The following RAP1GAP variants were observed in gnomAD, a reference collection of about 807,000 sequenced individuals.
The protein encoded by RAP1GAP is RAP1 GTPase activating protein, also known as rap1 GTPase-activating protein 1.
RAP1GAP carries 35 observed loss-of-function variants against 87.2 expected under a neutral mutation model. That is an observed-to-expected ratio of 0.40 (90% CI 0.31 to 0.53). RAP1GAP has a LOEUF of 0.53. RAP1GAP is among the 20% of genes least tolerant of loss of function. The probability of loss-of-function intolerance (pLI) is 0.48; values close to 1 mark genes in which losing one functional copy is unlikely to be tolerated. For synonymous variants in RAP1GAP, 375 were observed against 363.9 expected (o/e 1.03, Z -0.35); for missense variants, 734 against 898.9 (o/e 0.82, Z 2.35).
In RAP1GAP at chr1:21,613,217, C is replaced by T; in HGVS notation, c.487G>A (p.Asp163Asn). 1 of 1,561,362 alleles carries T rather than the reference C, an allele frequency of 6.4e-7. No homozygotes were observed. The highest frequency in any genetic ancestry group is 2.2e-5 in the East Asian group (1 of 44,604). The change falls in exon 10 of 25, where the codon GAC becomes AAC. Residue 163 changes from aspartate to asparagine, a missense_variant. By Grantham distance (23) the Asp-to-Asn change is conservative. Transcript: ENST00000374765. This position sits in a 1 kb window ranked among gnomAD's most constrained non-coding sequence, Gnocchi z 4.7. Reference sequence around the variant, plus strand: ...GGATAGAACCGATCCACATTGACGTCTTCACACACCAACTGCAGGAGGAGA... The same window carrying T: ...GGATAGAACCGATCCACATTGACGTTTTCACACACCAACTGCAGGAGGAGA... Reference protein sequence around the residue: ...VVQMAKLVCEDVNVDRFYPVL... With the variant: ...VVQMAKLVCENVNVDRFYPVL...
intron 12 of RAP1GAP, 36 bp from the exon 13 acceptor site, chr1:21,611,617 C>T (rs776551182): frequency 6.2e-7 from 1 of 1,613,802 alleles, no homozygotes; most frequent in Non-Finnish European, 8.5e-7. Flanking sequence ...CCTCAGTCTC[C>T]AGCCCTGGCC....
intron 1 of RAP1GAP, among the ~76,000 whole-genome samples, chr1:21,650,297 C>G (rs1230736156): frequency 1.3e-5 from 2 of 152,154 alleles, no homozygotes; most frequent in African/African-American, 4.8e-5. Flanking sequence ...GTCTGCGAAT[C>G]TGGGAGGAGA....
Position 21,609,434 on chromosome 1 carries a change from G to T in RAP1GAP, c.1071+141C>A. On this transcript the variant is annotated intron_variant, in intron 15 of 24. Transcript: ENST00000374765. The surrounding 1 kb of genome is among the most constrained non-coding windows in gnomAD (Gnocchi z 4.4). Reference sequence around the variant, plus strand: ...GTTTTCAAGATGAATGGAAAAGCCAGGCCCCGGTTGCAGTTAGGGGAGCCC... The same window carrying T: ...GTTTTCAAGATGAATGGAAAAGCCATGCCCCGGTTGCAGTTAGGGGAGCCC... The T allele has an allele frequency of 2.0e-6, 1 of 501,948 alleles. No homozygotes were observed. The highest frequency in any genetic ancestry group is 3.1e-5 in the East Asian group (1 of 32,034). 31.1% of individuals were successfully genotyped at this position (501,948 alleles called of 1,614,324 possible). A position where few individuals can be genotyped will look rare whatever the true frequency, so the allele number is the denominator to read the frequency against.
chr1:21,609,573 A>AGG lies in RAP1GAP; in HGVS notation c.1071+1_1071+2insCC. 6.6e-7 allele frequency: 1 copy of AGG among 1,524,402 alleles called. No individual in the cohort carries two copies. Among genetic ancestry groups the AGG allele is most frequent in the Non-Finnish European group, 8.8e-7 (1 of 1,130,726 alleles). 94.4% of individuals were successfully genotyped at this position (1,524,402 alleles called of 1,614,324 possible). On this transcript the variant is annotated splice_donor_variant, in intron 15 of 24. Coordinates refer to ENST00000374765, the MANE Select transcript of RAP1GAP (RefSeq NM_002885.4). LOFTEE classifies it high-confidence loss of function. This position sits in a 1 kb window ranked among gnomAD's most constrained non-coding sequence, Gnocchi z 4.4. ...GCCCATGACTGGGGGGGTGCCCCTCACCTTCCTGAACACAGCGGGGTCCGG... is the reference window on the plus strand; with the variant it reads ...GCCCATGACTGGGGGGGTGCCCCTCAGGCCTTCCTGAACACAGCGGGGTCCGG...
chr1:21,635,927 G>A (rs1003805253), intron 2 of RAP1GAP, among the ~76,000 whole-genome samples: 8 of 152,234 alleles, frequency 5.3e-5, no homozygotes. Flanking sequence ...ATGAGAAACT[G>A]GAAACTGAGT....
chr1:21,640,767 C>A (rs1407938542), intron 2 of RAP1GAP, among the ~76,000 whole-genome samples: 4 of 152,160 alleles, frequency 2.6e-5, no homozygotes, highest in Admixed American at 6.5e-5. Flanking sequence ...GCAGTGAGCT[C>A]CACCCCTGCC....
At chr1:21,653,582 TC>T (rs2096728167) in intron 1 of RAP1GAP, among the ~76,000 whole-genome samples, 2 of 131,936 alleles carry the variant, frequency 1.5e-5, no homozygotes, top group African/African-American at 5.9e-5. Flanking sequence ...CTTCCTTCCT[TC>T]CTTCCTTCCT....
Position 21,613,419 on chromosome 1 carries a change from A to G in RAP1GAP, c.475-190T>C, listed in dbSNP as rs1558682556. Among the ~76,000 whole-genome samples, 2 of 152,078 alleles carry G rather than the reference A, an allele frequency of 1.3e-5. No individual in the cohort carries two copies. The highest frequency in any genetic ancestry group is 4.8e-5 in the African/African-American group (2 of 41,408). On this transcript the variant is annotated intron_variant, in intron 9 of 24. Coordinates refer to ENST00000374765, the MANE Select transcript of RAP1GAP (RefSeq NM_002885.4). The surrounding 1 kb of genome is among the most constrained non-coding windows in gnomAD (Gnocchi z 4.7). ...GAGATCTGAAGGTGCTATAGAGAAA[A>G]CCAAAAGCACACAGGCAGGGGACGG...
intron 1 of RAP1GAP, among the ~76,000 whole-genome samples, chr1:21,654,255 G>A (rs2096770689): frequency 6.6e-6 from 1 of 152,178 alleles, no homozygotes. Context: ...CTGCATCATA[G>A]CATGTGAGCC....
At chr1:21,618,081 T>G in intron 5 of RAP1GAP, 109 bp from the exon 6 acceptor site, 1 of 1,294,758 alleles carries the variant, frequency 7.7e-7, no homozygotes, top group Non-Finnish European at 1.1e-6. Context: ...GATGGGGCCC[T>G]GGCCTCATCA....
rs889579817 is a variant in RAP1GAP at position 21,615,185 on chromosome 1, C to T, written c.292-1096G>A. Among the ~76,000 whole-genome samples, 1 of 152,136 alleles carries T rather than the reference C, an allele frequency of 6.6e-6. No homozygotes were observed. Among genetic ancestry groups the T allele is most frequent in the South Asian group, 2.1e-4 (1 of 4,832 alleles). Reference sequence around the variant, plus strand: ...ACACCCCCAAGCCCAGAGGAGCCCCCGGGACACAGTGGGAGAGCGGGCTCA... The same window carrying T: ...ACACCCCCAAGCCCAGAGGAGCCCCTGGGACACAGTGGGAGAGCGGGCTCA... On this transcript the variant is annotated intron_variant, in intron 7 of 24. Transcript: ENST00000374765. This position sits in a 1 kb window ranked among gnomAD's most constrained non-coding sequence, Gnocchi z 4.5.
intron 2 of RAP1GAP, among the ~76,000 whole-genome samples, chr1:21,648,789 G>C (rs899762253): frequency 2.6e-5 from 4 of 152,180 alleles, no homozygotes; most frequent in Non-Finnish European, 5.9e-5. Flanking sequence ...AAAGGGAGAG[G>C]AAGCAGCCTG....
intron 2 of RAP1GAP, among the ~76,000 whole-genome samples, chr1:21,646,377 G>C (rs1348385223): frequency 2.6e-5 from 4 of 152,152 alleles, no homozygotes; most frequent in Non-Finnish European, 5.9e-5. Context: ...TCTGACCTAG[G>C]TCCCTTCCTC....
At chr1:21,666,879 A>G (rs921722550) in intron 1 of RAP1GAP, among the ~76,000 whole-genome samples, 2 of 152,148 alleles carry the variant, frequency 1.3e-5, no homozygotes, top group Non-Finnish European at 2.9e-5. Flanking sequence ...AGGGCTTCTG[A>G]AAAGGCTCTT....
chr1:21,613,533 C>G lies in RAP1GAP; in HGVS notation c.474+95G>C, dbSNP rs1297732719. 9.1e-6 allele frequency: 11 copies of G among 1,208,928 alleles called. No individual in the cohort carries two copies. The Admixed American group carries it at 1.0e-4, about 11-fold the overall frequency. 74.9% of individuals were successfully genotyped at this position (1,208,928 alleles called of 1,614,324 possible). A position where few individuals can be genotyped will look rare whatever the true frequency, so the allele number is the denominator to read the frequency against. On this transcript the variant is annotated intron_variant, in intron 9 of 24. Transcript: ENST00000374765. The surrounding 1 kb of genome is among the most constrained non-coding windows in gnomAD (Gnocchi z 4.7). ...TAGGGCGGCAGGCCAGGGCTAGGGC[C>G]TACAGCTGAAGGGGACGCGCCAAGG...
At chr1:21,597,478 T>C (rs972301471) in intron 24 of RAP1GAP, among the ~76,000 whole-genome samples, 1 of 152,130 alleles carries the variant, frequency 6.6e-6, no homozygotes, top group African/African-American at 2.4e-5. Context: ...CACACTCCCA[T>C]CAAATCCTCC....
intron 21 of RAP1GAP, 71 bp from the exon 22 acceptor site, chr1:21,598,573 C>G: frequency 7.8e-7 from 1 of 1,274,806 alleles, no homozygotes; most frequent in Non-Finnish European, 1.1e-6. Flanking sequence ...TCCCTCCCAG[C>G]CCCTCTCCCT....
intron 2 of RAP1GAP, among the ~76,000 whole-genome samples, chr1:21,631,976 C>G (rs1188525100): frequency 6.6e-6 from 1 of 152,190 alleles, no homozygotes; most frequent in Non-Finnish European, 1.5e-5. Flanking sequence ...AGGCCCAGCT[C>G]CGGCTCTGCT....
chr1:21,627,066 G>C (rs1232721208), intron 2 of RAP1GAP: 2 of 450,502 alleles, frequency 4.4e-6, no homozygotes, highest in Non-Finnish European at 9.0e-6. Context: ...CCTGAGGAAA[G>C]AAAGCAGGTC....
Sources: allele counts gnomAD v4.1 joint callset (sites outside exome capture counted in the v4.1 genomes callset), GRCh38; gene constraint gnomAD v4.1.1; non-coding constraint Gnocchi (gnomAD v3.1); transcripts MANE v1.5; gene names NCBI Gene and HGNC (gene_info 2026-07-23, HGNC 2026-07-21).